Variants in THADA observed in about 807,000 individuals in gnomAD.
THADA encodes the protein tRNA (32-2'-O)-methyltransferase regulator THADA.
Under a neutral mutation model 219.8 loss-of-function variants are expected in THADA, and 213 were observed. The observed-to-expected ratio is 0.97, with a 90% CI of 0.87 to 1.09. THADA has a LOEUF of 1.09. THADA is among the 50% of genes least tolerant of loss of function. THADA has a pLI of 0.00. For synonymous variants in THADA, 1,018 were observed against 828.9 expected (o/e 1.23, Z -3.92); for missense variants, 2,956 against 2,311.3 (o/e 1.28, Z -5.72).
intron 26 of THADA, chr2:43,430,642 T>A (rs1394187623): frequency 2.2e-6 from 1 of 459,202 alleles, no homozygotes; most frequent in Admixed American, 2.3e-5. Context: ...AACACCAGAT[T>A]GACTGAGACT....
intron 29 of THADA, among the ~76,000 whole-genome samples, chr2:43,361,238 G>C (rs1047267205): frequency 2.0e-5 from 3 of 152,182 alleles, no homozygotes; most frequent in Non-Finnish European, 4.4e-5. Flanking sequence ...GGTAGCCTTA[G>C]AAAATTATTT....
chr2:43,498,068 C>T (rs1390508732), intron 25 of THADA, among the ~76,000 whole-genome samples: 1 of 151,938 alleles, frequency 6.6e-6, no homozygotes, highest in Non-Finnish European at 1.5e-5. Context: ...TATACACACA[C>T]AGCCCCCCAC....
intron 29 of THADA, among the ~76,000 whole-genome samples, chr2:43,366,952 C>T (rs62137421): frequency 0.14 from 21,876 of 152,150 alleles, 1,868 homozygotes; most frequent in South Asian, 0.2. Flanking sequence ...CAAAAGTTCA[C>T]TGACAGAAGA....
At chr2:43,550,553 G>A (rs1455835290) in intron 19 of THADA, among the ~76,000 whole-genome samples, 3 of 152,156 alleles carry the variant, frequency 2.0e-5, no homozygotes, top group Admixed American at 2.0e-4. Context: ...CAGGGAAGAA[G>A]CAGCAAAAAT....
chr2:43,421,379 CT>C (rs1193446560), intron 28 of THADA, among the ~76,000 whole-genome samples: 2 of 152,176 alleles, frequency 1.3e-5, no homozygotes, highest in African/African-American at 4.8e-5. Context: ...TTCTCTGAAC[CT>C]CATGGAATTT....
chr2:43,297,864 G>A (rs1675733062), intron 31 of THADA, among the ~76,000 whole-genome samples: 1 of 115,948 alleles, frequency 8.6e-6, no homozygotes, highest in African/African-American at 4.2e-5. Flanking sequence ...GCCCCGTCCG[G>A]GAGGTGAGGG....
intron 22 of THADA, among the ~76,000 whole-genome samples, chr2:43,514,798 A>G (rs1331108975): frequency 1.1e-5 from 1 of 92,894 alleles, no homozygotes; most frequent in East Asian, 3.4e-4. Context: ...TAATATGTAC[A>G]ATATATATTT....
intron 11 of THADA, 125 bp from the exon 12 acceptor site, chr2:43,573,117 T>A: frequency 1.3e-6 from 1 of 746,446 alleles, no homozygotes; most frequent in Non-Finnish European, 2.0e-6. Flanking sequence ...TTTAAACTCA[T>A]TTCTAACACA....
At chr2:43,512,628 G>A (rs999159316) in intron 22 of THADA, among the ~76,000 whole-genome samples, 5 of 152,300 alleles carry the variant, frequency 3.3e-5, no homozygotes, top group African/African-American at 1.2e-4. Context: ...TCAGCCTCCT[G>A]AGTAGCTGGG....
At chr2:43,543,025 TC>T (rs1191524866) in intron 20 of THADA, among the ~76,000 whole-genome samples, 2 of 66,470 alleles carry the variant, frequency 3.0e-5, no homozygotes, top group Non-Finnish European at 5.6e-5. Flanking sequence ...TCCTCCCCCC[TC>T]CCCCCACCCC....
At position 43,505,807 on chromosome 2, in the gene THADA, A is replaced by G. The variant is rs1689600574; in HGVS notation, c.3508-72T>C. 5.5e-6 allele frequency: 6 copies of G among 1,086,322 alleles called. No homozygotes were observed. The East Asian group carries it at 1.3e-4, about 24-fold the overall frequency. The allele number at this position is 1,086,322 out of a possible 1,614,324, so 67.3% of individuals were successfully genotyped here. A position where few individuals can be genotyped will look rare whatever the true frequency, so the allele number is the denominator to read the frequency against. ...TACTTGTTTGCTGCTTCCCTGGATCAATCCCAAAATGCAAAATCCCCTTAA... is the reference window on the plus strand; with the variant it reads ...TACTTGTTTGCTGCTTCCCTGGATCGATCCCAAAATGCAAAATCCCCTTAA... On this transcript the variant is annotated intron_variant, in intron 23 of 37. Transcript: ENST00000405975.
intron 4 of THADA, 52 bp from the exon 5 acceptor site, chr2:43,587,054 ATG>A: frequency 6.5e-7 from 1 of 1,543,068 alleles, no homozygotes; most frequent in Non-Finnish European, 8.9e-7. Context: ...GCCCCAGAAT[ATG>A]TGGAGAGGGA....
chr2:43,269,311 G>A (rs1192965044), intron 36 of THADA, among the ~76,000 whole-genome samples: 2 of 152,194 alleles, frequency 1.3e-5, no homozygotes, highest in East Asian at 1.9e-4. Context: ...GCAAAATGAT[G>A]CAAAAATGAC....
chr2:43,363,462 T>C (rs756961048), intron 29 of THADA, among the ~76,000 whole-genome samples: 2 of 152,344 alleles, frequency 1.3e-5, no homozygotes, highest in East Asian at 1.9e-4. Flanking sequence ...GTGAACTCTA[T>C]GTAGAACGAA....
At chr2:43,290,626 G>A (rs567456768) in intron 34 of THADA, among the ~76,000 whole-genome samples, 2 of 152,066 alleles carry the variant, frequency 1.3e-5, no homozygotes, top group Non-Finnish European at 2.9e-5. Context: ...TTAGACTATA[G>A]CTCTAGTCTC....
chr2:43,251,670 C>A (rs1378608130), intron 36 of THADA, among the ~76,000 whole-genome samples: 1 of 152,226 alleles, frequency 6.6e-6, no homozygotes, highest in African/African-American at 2.4e-5. Flanking sequence ...CACCAGCCCA[C>A]AGGCCTGAGC....
At chr2:43,310,221 T>TC (rs1677335489) in intron 31 of THADA, among the ~76,000 whole-genome samples, 2 of 37,562 alleles carry the variant, frequency 5.3e-5, no homozygotes, top group African/African-American at 2.6e-4. Context: ...CTCCCTCCCT[T>TC]TCCCGCCCCC....
At chr2:43,244,129 A>G (rs893747034) in intron 36 of THADA, among the ~76,000 whole-genome samples, 7 of 152,200 alleles carry the variant, frequency 4.6e-5, no homozygotes, top group African/African-American at 1.7e-4. Flanking sequence ...GGGTAAATAA[A>G]ATTTTTCCCC....
chr2:43,315,686 C>T (rs560645978), intron 31 of THADA, among the ~76,000 whole-genome samples: 13 of 152,230 alleles, frequency 8.5e-5, no homozygotes, highest in East Asian at 1.9e-4. Context: ...AGGCTTATCT[C>T]GAACTCCTGG....
Sources: allele counts gnomAD v4.1 joint callset (sites outside exome capture counted in the v4.1 genomes callset), GRCh38; gene constraint gnomAD v4.1.1; transcripts MANE v1.5; gene names NCBI Gene and HGNC (gene_info 2026-07-23, HGNC 2026-07-21).